The following DSCAM variants were observed in gnomAD, a reference collection of about 807,000 sequenced individuals.
The protein encoded by DSCAM is cell adhesion molecule DSCAM.
DSCAM carries 47 observed loss-of-function variants against 217.7 expected under a neutral mutation model. The ratio of observed to expected loss-of-function variants is 0.22; its 90% CI spans 0.17 to 0.28. The LOEUF (loss-of-function observed/expected upper bound fraction) is 0.28. Ranked by LOEUF, DSCAM falls within the 10% of genes least tolerant of loss-of-function variation. The pLI is 1.00. For synonymous variants in DSCAM, 1,056 were observed against 1,015.3 expected, an observed-to-expected ratio of 1.04 and a Z score of -0.76; for missense variants, 2,080 against 2,618.3, an observed-to-expected ratio of 0.79 and a Z score of 4.49.
intron 9 of DSCAM, among the ~76,000 whole-genome samples, chr21:40,302,916 A>T (rs1421153168): frequency 2.0e-5 from 3 of 152,184 alleles, no homozygotes; most frequent in Non-Finnish European, 1.5e-5. Flanking sequence ...CTATGGTTAT[A>T]ATAAGACAGG....
intron 1 of DSCAM, among the ~76,000 whole-genome samples, chr21:40,773,922 T>G (rs2091467268): frequency 6.6e-6 from 1 of 152,164 alleles, no homozygotes; most frequent in Non-Finnish European, 1.5e-5. Context: ...ATCCCCAGAA[T>G]ACGGAAGCCT....
intron 1 of DSCAM, among the ~76,000 whole-genome samples, chr21:40,836,280 A>G (rs1361050978): frequency 6.6e-6 from 1 of 152,248 alleles, no homozygotes; most frequent in Admixed American, 6.5e-5. Flanking sequence ...AATGTGAGAA[A>G]TACAATGGAA....
intron 3 of DSCAM, among the ~76,000 whole-genome samples, chr21:40,663,416 C>T (rs1165910075): frequency 6.6e-6 from 1 of 152,036 alleles, no homozygotes; most frequent in Admixed American, 6.6e-5. Context: ...CGTGGAATTG[C>T]CTGTGTTGCC....
intron 3 of DSCAM, among the ~76,000 whole-genome samples, chr21:40,497,790 T>C (rs1601691970): frequency 6.6e-6 from 1 of 152,374 alleles, no homozygotes; most frequent in East Asian, 1.9e-4. Flanking sequence ...TTAATTGGGA[T>C]TGCTTTTCAT....
chr21:40,744,283 G>T (rs2091153076), intron 1 of DSCAM, among the ~76,000 whole-genome samples: 1 of 152,230 alleles, frequency 6.6e-6, no homozygotes, highest in Middle Eastern at 3.4e-3. Context: ...ATCACTTGGT[G>T]CTGGAATCTT....
chr21:40,346,001 G>A (rs2074553899), intron 6 of DSCAM, among the ~76,000 whole-genome samples: 1 of 152,166 alleles, frequency 6.6e-6, no homozygotes, highest in Non-Finnish European at 1.5e-5. Flanking sequence ...AATCTTTCTT[G>A]CTGTCACTCT....
intron 20 of DSCAM, among the ~76,000 whole-genome samples, chr21:40,107,876 T>C (rs1235466415): frequency 6.6e-6 from 1 of 152,198 alleles, no homozygotes; most frequent in African/African-American, 2.4e-5. Context: ...TTGATTTGCT[T>C]ACTGGATTTT....
intron 3 of DSCAM, among the ~76,000 whole-genome samples, chr21:40,651,737 GAA>G (rs2090017004): frequency 6.6e-6 from 1 of 152,168 alleles, no homozygotes; most frequent in Non-Finnish European, 1.5e-5. Context: ...GATTGCTCAA[GAA>G]ATATCTTGGT....
rs139938755 is a variant in DSCAM at position 40,565,632 on chromosome 21, G to A, written c.508+127178C>T. ...CAGCACCCACATGTTCACACTCAGTGCCTCGGGGGCTTCAAGATGTCCCAG... is the reference window on the plus strand; with the variant it reads ...CAGCACCCACATGTTCACACTCAGTACCTCGGGGGCTTCAAGATGTCCCAG... On this transcript the variant is annotated intron_variant, in intron 3 of 32. Coordinates refer to ENST00000400454, the MANE Select transcript of DSCAM (RefSeq NM_001389.5). Among the ~76,000 whole-genome samples, 786 of 152,256 alleles carry A rather than the reference G, an allele frequency of 5.2e-3. 9 individuals carry two copies. Among genetic ancestry groups the A allele is most frequent in the South Asian group, 0.011 (53 of 4,822 alleles).
At chr21:40,684,565 CA>C (rs2090453739) in intron 3 of DSCAM, among the ~76,000 whole-genome samples, 1 of 152,170 alleles carries the variant, frequency 6.6e-6, no homozygotes, top group African/African-American at 2.4e-5. Flanking sequence ...AAGCCTGGTC[CA>C]ACCCACCTTT....
intron 9 of DSCAM, among the ~76,000 whole-genome samples, chr21:40,305,206 G>A (rs546325042): frequency 1.1e-3 from 164 of 152,048 alleles, no homozygotes; most frequent in African/African-American, 3.7e-3. Context: ...CCTGGCCAAC[G>A]TGGTGAAACC....
chr21:40,137,578 C>T (rs1368049275), intron 18 of DSCAM, among the ~76,000 whole-genome samples: 1 of 146,802 alleles, frequency 6.8e-6, no homozygotes, highest in Non-Finnish European at 1.5e-5. Context: ...TTTCATGCCT[C>T]TGTAGGGCTG....
At chr21:40,157,719 C>G (rs200216433) in intron 16 of DSCAM, among the ~76,000 whole-genome samples, 1 of 150,880 alleles carries the variant, frequency 6.6e-6, no homozygotes, top group Non-Finnish European at 1.5e-5. Context: ...TTTCCTGAGA[C>G]AGTCTCGCCT....
chr21:40,705,943 G>A (rs141003676), intron 2 of DSCAM, among the ~76,000 whole-genome samples: 13 of 152,280 alleles, frequency 8.5e-5, no homozygotes, highest in African/African-American at 3.1e-4. Flanking sequence ...CACTTTGGGA[G>A]GCCGAGGTGG....
intron 3 of DSCAM, among the ~76,000 whole-genome samples, chr21:40,691,084 T>C (rs1303519951): frequency 6.6e-6 from 1 of 151,990 alleles, no homozygotes; most frequent in African/African-American, 2.4e-5. Flanking sequence ...GAACTTAAAA[T>C]AAAAGTTAAA....
chr21:40,089,463 G>A (rs2089576647), intron 21 of DSCAM, among the ~76,000 whole-genome samples: 1 of 152,174 alleles, frequency 6.6e-6, no homozygotes, highest in South Asian at 2.1e-4. Flanking sequence ...CAGGCTCTCT[G>A]TGCCTTCGTG....
intron 3 of DSCAM, among the ~76,000 whole-genome samples, chr21:40,415,784 A>G (rs2075365427): frequency 6.6e-6 from 1 of 151,864 alleles, no homozygotes; most frequent in South Asian, 2.1e-4. Context: ...ATCCTTATAC[A>G]CTGCTTCCCC....
chr21:40,248,088 A>C (rs1439582550), intron 11 of DSCAM, among the ~76,000 whole-genome samples: 1 of 152,034 alleles, frequency 6.6e-6, no homozygotes. Flanking sequence ...GCAGGGCACC[A>C]ACTCCCTAGG....
At chr21:40,161,872 C>T (rs750389174) in intron 16 of DSCAM, among the ~76,000 whole-genome samples, 10 of 152,082 alleles carry the variant, frequency 6.6e-5, no homozygotes, top group Admixed American at 2.6e-4. Flanking sequence ...AAGTTTATTT[C>T]AAGGCAACCT....
Sources: gnomAD v4.1 joint callset for allele counts (sites outside exome capture counted in the v4.1 genomes callset) on GRCh38, gnomAD v4.1.1 for gene constraint, MANE v1.5 for transcripts, NCBI Gene and HGNC (gene_info 2026-07-23, HGNC 2026-07-21) for gene names.